HIRA: variants seen among roughly 807,000 people sequenced by gnomAD.
The protein encoded by HIRA is protein HIRA.
In HIRA, 13 loss-of-function variants were observed where a neutral mutation model predicts 126.6. The ratio of observed to expected loss-of-function variants is 0.10; its 90% CI spans 0.07 to 0.16. The LOEUF (loss-of-function observed/expected upper bound fraction) is 0.16, where lower values mean the gene tolerates loss of function less well. HIRA is among the 10% of genes least tolerant of loss of function. The pLI is 1.00. For synonymous variants in HIRA, 511 were observed against 520.0 expected (o/e 0.98, Z 0.24); for missense variants, 834 against 1,314.4 (o/e 0.63, Z 5.65).
chr22:19,394,195 T>C, intron 8 of HIRA, 147 bp downstream of exon 8: 1 of 950,978 alleles, frequency 1.1e-6, no homozygotes, highest in Non-Finnish European at 1.5e-6. Flanking sequence ...TGTTCACATG[T>C]AAAGTTTGCC....
At chr22:19,335,049 G>A (rs2088549289) in intron 24 of HIRA, among the ~76,000 whole-genome samples, 1 of 152,024 alleles carries the variant, frequency 6.6e-6, no homozygotes, top group African/African-American at 2.4e-5. Context: ...ATAACATACA[G>A]TATATGCCTT....
chr22:19,343,722 T>C (rs1342214434), intron 24 of HIRA, among the ~76,000 whole-genome samples: 1 of 151,960 alleles, frequency 6.6e-6, no homozygotes, highest in Non-Finnish European at 1.5e-5. Context: ...GCCTAGGAAT[T>C]TGAGACCAGC....
chr22:19,385,979 G>C (rs575916942), intron 11 of HIRA, among the ~76,000 whole-genome samples: 3 of 152,308 alleles, frequency 2.0e-5, no homozygotes, highest in Admixed American at 6.5e-5. Context: ...GACAGTAAAT[G>C]AGACAGCCAA....
chr22:19,405,562 G>A (rs1228928414), intron 5 of HIRA: 6 of 943,122 alleles, frequency 6.4e-6, no homozygotes, highest in Non-Finnish European at 6.3e-6. Flanking sequence ...TATACCCCAT[G>A]AGGGCAAGAG....
At chr22:19,337,007 A>C (rs1417095295) in intron 24 of HIRA, among the ~76,000 whole-genome samples, 1 of 152,228 alleles carries the variant, frequency 6.6e-6, no homozygotes, top group African/African-American at 2.4e-5. Context: ...AAAAGACCAC[A>C]CTAGCTCCTC....
At chr22:19,357,263 A>G (rs960039755) in intron 18 of HIRA, among the ~76,000 whole-genome samples, 2 of 152,120 alleles carry the variant, frequency 1.3e-5, no homozygotes, top group Non-Finnish European at 2.9e-5. Flanking sequence ...CTTCTGTCCT[A>G]TTTCCACAGG....
At chr22:19,344,548 T>C (rs983582076) in intron 24 of HIRA, among the ~76,000 whole-genome samples, 29 of 152,186 alleles carry the variant, frequency 1.9e-4, no homozygotes, top group Admixed American at 1.9e-3. Flanking sequence ...TAGGATCATA[T>C]AGCTTCTCTG....
intron 1 of HIRA, among the ~76,000 whole-genome samples, chr22:19,423,526 T>A (rs5748198): frequency 1.9e-5 from 1 of 52,098 alleles, no homozygotes; most frequent in African/African-American, 7.2e-5. Context: ...CACACACACA[T>A]ATTTTCAGCT....
rs148989966 is a variant in HIRA at position 19,391,823 on chromosome 22, C to T, written c.936+278G>A. ...TAGGAAGCAAGCCCAACATGCTGCTCATGGCATTGACCACTGAGGGTGCTG... is the reference window on the plus strand; with the variant it reads ...TAGGAAGCAAGCCCAACATGCTGCTTATGGCATTGACCACTGAGGGTGCTG... On this transcript the variant is annotated intron_variant, in intron 9 of 24. Coordinates refer to ENST00000263208, the MANE Select transcript of HIRA (RefSeq NM_003325.4). 1.5e-4 allele frequency among the ~76,000 whole-genome samples: 23 copies of T among 152,300 alleles called. 1 individual carries two copies. Among genetic ancestry groups the T allele is most frequent in the East Asian group, 3.9e-4 (2 of 5,180 alleles).
Position 19,359,343 on chromosome 22 carries a change from C to A in HIRA, c.2227G>T (p.Gly743Cys). 2 of 1,588,908 alleles carry A rather than the reference C, an allele frequency of 1.3e-6. No individual in the cohort carries two copies. Among genetic ancestry groups the A allele is most frequent in the Non-Finnish European group, 1.7e-6 (2 of 1,167,414 alleles). ...GGACCTGCCCACCCTTACCAGCTGCCCGCAGCAGTGAGGATCCGGCTGGTG... is the reference window on the plus strand; with the variant it reads ...GGACCTGCCCACCCTTACCAGCTGCACGCAGCAGTGAGGATCCGGCTGGTG... ...VLTSRILTAA[G>C]SCDVVCVACE... The change falls in exon 18 of 25, where the codon GGC (glycine) becomes TGC (cysteine). Residue 743 changes from glycine to cysteine, a missense_variant. This residue lies in a region of HIRA where 468 missense variants were observed against 574.2 expected (regional missense o/e 0.82). Transcript: ENST00000263208.
Position 19,431,592 on chromosome 22 carries a change from G to T in HIRA, c.-116C>A. 3 of 918,730 alleles carry T rather than the reference G, an allele frequency of 3.3e-6. No homozygotes were observed. Among genetic ancestry groups the T allele is most frequent in the South Asian group, 4.8e-5 (1 of 20,876 alleles). 56.9% of individuals were successfully genotyped at this position (918,730 alleles called of 1,614,324 possible). On this transcript the variant is annotated 5_prime_UTR_variant, in exon 1 of 25. Coordinates refer to ENST00000263208, the MANE Select transcript of HIRA (RefSeq NM_003325.4). ...GCCACCCGCCCTCCGGCCGCCGCCC[G>T]CCCCGCGCCCTCAGGGCCGCCGCGC...
At chr22:19,416,304 T>G (rs1569312623) in intron 1 of HIRA, among the ~76,000 whole-genome samples, 1 of 152,084 alleles carries the variant, frequency 6.6e-6, no homozygotes, top group Non-Finnish European at 1.5e-5. Flanking sequence ...TGGCAGTAAT[T>G]TCTTTTTCTT....
At chr22:19,340,925 G>C (rs1556007368) in intron 24 of HIRA, among the ~76,000 whole-genome samples, 1 of 152,152 alleles carries the variant, frequency 6.6e-6, no homozygotes. Context: ...AATTAAAAAT[G>C]ACCATACTGC....
intron 13 of HIRA, among the ~76,000 whole-genome samples, chr22:19,382,004 T>A (rs1277938632): frequency 6.6e-6 from 1 of 152,198 alleles, no homozygotes; most frequent in Non-Finnish European, 1.5e-5. Context: ...TGTGCAAATT[T>A]ATTTGCACAG....
rs150650188 is a variant in HIRA, at chr22:19,397,159, A to G, written c.494-212T>C. Among the ~76,000 whole-genome samples the G allele has an allele frequency of 4.2e-3, 646 of 152,340 alleles. 2 individuals carry two copies. The highest frequency in any genetic ancestry group is 8.5e-3 in the South Asian group (41 of 4,828). On this transcript the variant is annotated intron_variant, in intron 6 of 24. Coordinates refer to ENST00000263208, the MANE Select transcript of HIRA (RefSeq NM_003325.4). Reference sequence around the variant, plus strand: ...GACAGCATCAAGGAGGCAGGCACCAAGGGGCTAGTTCTGATCCAGGTCTTA... The same window carrying G: ...GACAGCATCAAGGAGGCAGGCACCAGGGGGCTAGTTCTGATCCAGGTCTTA...
intron 15 of HIRA, chr22:19,366,188 C>A (rs2088911244): frequency 6.6e-6 from 1 of 151,800 alleles, no homozygotes; most frequent in Non-Finnish European, 1.5e-5. Context: ...CGGTAAAACC[C>A]CGTCTCTACT....
intron 8 of HIRA, among the ~76,000 whole-genome samples, chr22:19,393,436 C>A (rs939021798): frequency 6.6e-6 from 1 of 152,186 alleles, no homozygotes; most frequent in South Asian, 2.1e-4. Context: ...CAGCTCACTG[C>A]AACCTCCGCC....
chr22:19,334,179 G>GGT (rs2088532677), intron 24 of HIRA, among the ~76,000 whole-genome samples: 1 of 151,356 alleles, frequency 6.6e-6, no homozygotes, highest in South Asian at 2.1e-4. Context: ...GTTCCACCAT[G>GGT]TTAGCAAGGA....
chr22:19,431,482 G>C lies in HIRA; in HGVS notation c.-6C>G. The C allele has an allele frequency of 6.3e-7, 1 of 1,595,044 alleles. No homozygotes were observed. On this transcript the variant is annotated 5_prime_UTR_variant, in exon 1 of 25. Coordinates refer to ENST00000263208, the MANE Select transcript of HIRA (RefSeq NM_003325.4). ...GTCGGCTTCAGGAGCTTCATTGTTCGGCCGCCGCCGCCGCCGGGCTGAGGC... is the reference window on the plus strand; with the variant it reads ...GTCGGCTTCAGGAGCTTCATTGTTCCGCCGCCGCCGCCGCCGGGCTGAGGC...
Sources: allele counts gnomAD v4.1 joint callset (sites outside exome capture counted in the v4.1 genomes callset), GRCh38; gene constraint gnomAD v4.1.1; regional missense constraint gnomAD v4.1.1; transcripts MANE v1.5; gene names NCBI Gene and HGNC (gene_info 2026-07-23, HGNC 2026-07-21).